PTPRD: variants seen among roughly 807,000 people sequenced by gnomAD.
PTPRD encodes protein tyrosine phosphatase receptor type D, also known as receptor-type tyrosine-protein phosphatase delta.
A neutral mutation model predicts 214.5 loss-of-function variants in PTPRD; 34 were observed. That is an observed-to-expected ratio of 0.16 (90% CI 0.12 to 0.21). The LOEUF (loss-of-function observed/expected upper bound fraction) is 0.21. PTPRD is among the 10% of genes least tolerant of loss of function. PTPRD has a pLI of 1.00. For synonymous variants in PTPRD, 1,128 were observed against 845.7 expected (o/e 1.33, Z -5.79); for missense variants, 2,545 against 2,398.7 (o/e 1.06, Z -1.27).
chr9:9,559,403 T>G (rs1470482068), intron 8 of PTPRD, among the ~76,000 whole-genome samples: 1 of 152,244 alleles, frequency 6.6e-6, no homozygotes, highest in Non-Finnish European at 1.5e-5. Flanking sequence ...AAAAGCCTAC[T>G]GGCACTTCCA....
At chr9:9,911,656 C>A (rs10759103) in intron 5 of PTPRD, among the ~76,000 whole-genome samples, 39,932 of 151,820 alleles carry the variant, frequency 0.26, 6,252 homozygotes, top group African/African-American at 0.42. Flanking sequence ...TTATATTTCC[C>A]TTTAGATATA....
chr9:9,698,130 T>TGC (rs2097418608), intron 7 of PTPRD, among the ~76,000 whole-genome samples: 1 of 152,202 alleles, frequency 6.6e-6, no homozygotes, highest in Admixed American at 6.5e-5. Flanking sequence ...CACCATCTTA[T>TGC]TAGGGTCTTT....
chr9:9,790,968 T>C (rs1292555979), intron 5 of PTPRD, among the ~76,000 whole-genome samples: 1 of 152,168 alleles, frequency 6.6e-6, no homozygotes, highest in African/African-American at 2.4e-5. Context: ...AGACAGATGG[T>C]TCAGTACATA....
intron 4 of PTPRD, among the ~76,000 whole-genome samples, chr9:9,995,696 TCTAC>T (rs1283655715): frequency 6.6e-6 from 1 of 152,224 alleles, no homozygotes; most frequent in Non-Finnish European, 1.5e-5. Flanking sequence ...TCTCTTTTAC[TCTAC>T]CTACTTCCTA....
chr9:10,345,120 T>C (rs1597626304), intron 2 of PTPRD, among the ~76,000 whole-genome samples: 1 of 152,132 alleles, frequency 6.6e-6, no homozygotes, highest in Non-Finnish European at 1.5e-5. Context: ...CACCATTGCA[T>C]CTGATTCATT....
chr9:9,730,218 G>A (rs951696006), intron 7 of PTPRD, among the ~76,000 whole-genome samples: 1 of 152,192 alleles, frequency 6.6e-6, no homozygotes. Flanking sequence ...GAAAGATATT[G>A]TATGACTAAT....
intron 9 of PTPRD, among the ~76,000 whole-genome samples, chr9:9,224,668 G>C (rs2099958274): frequency 6.6e-6 from 1 of 151,904 alleles, no homozygotes; most frequent in Non-Finnish European, 1.5e-5. Context: ...GGCTTACCTA[G>C]TTTATTTCAT....
At chr9:9,000,687 A>G (rs907263534) in intron 11 of PTPRD, among the ~76,000 whole-genome samples, 9 of 151,982 alleles carry the variant, frequency 5.9e-5, no homozygotes, top group East Asian at 3.9e-4. Context: ...TTAGATGGCT[A>G]TTATGCACAT....
At chr9:9,253,902 G>A (rs2099976540) in intron 9 of PTPRD, among the ~76,000 whole-genome samples, 1 of 152,078 alleles carries the variant, frequency 6.6e-6, no homozygotes, top group Non-Finnish European at 1.5e-5. Flanking sequence ...CAGAGGGCTT[G>A]GGGAGAGTTT....
chr9:9,517,023 G>A (rs2154250913), intron 8 of PTPRD, among the ~76,000 whole-genome samples: 1 of 151,594 alleles, frequency 6.6e-6, no homozygotes, highest in East Asian at 2.0e-4. Flanking sequence ...CTTGAAATTA[G>A]TTGCAGTGAA....
chr9:10,544,045 A>T (rs574205428), intron 2 of PTPRD, among the ~76,000 whole-genome samples: 1 of 152,170 alleles, frequency 6.6e-6, no homozygotes, highest in Non-Finnish European at 1.5e-5. Context: ...TTAAGGTACT[A>T]TATCATCATA....
At chr9:10,201,692 G>A (rs959845453) in intron 3 of PTPRD, among the ~76,000 whole-genome samples, 3 of 151,924 alleles carry the variant, frequency 2.0e-5, no homozygotes, top group Admixed American at 2.0e-4. Flanking sequence ...GCAAGGTGCT[G>A]GATATGTTAA....
At chr9:8,784,253 G>C (rs780688405) in intron 11 of PTPRD, among the ~76,000 whole-genome samples, 4 of 152,140 alleles carry the variant, frequency 2.6e-5, no homozygotes, top group Non-Finnish European at 4.4e-5. Flanking sequence ...GACCTGGAAA[G>C]GTTATTTTTA....
At chr9:9,417,344 G>A (rs560923807) in intron 8 of PTPRD, among the ~76,000 whole-genome samples, 6 of 152,106 alleles carry the variant, frequency 3.9e-5, no homozygotes, top group South Asian at 4.1e-4. Context: ...TTTCCATTAT[G>A]TTAAAATCAA....
intron 12 of PTPRD, among the ~76,000 whole-genome samples, chr9:8,644,136 C>A (rs2096637300): frequency 6.6e-6 from 1 of 152,174 alleles, no homozygotes; most frequent in East Asian, 1.9e-4. Flanking sequence ...TAGCTGAACA[C>A]CTGCTGGGAT....
At chr9:9,401,096 A>T (rs1327461438) in intron 8 of PTPRD, among the ~76,000 whole-genome samples, 1 of 152,026 alleles carries the variant, frequency 6.6e-6, no homozygotes, top group Non-Finnish European at 1.5e-5. Context: ...GGTAGGAATA[A>T]ACAAGCTATT....
intron 2 of PTPRD, among the ~76,000 whole-genome samples, chr9:10,370,618 T>G (rs750342295): frequency 6.6e-6 from 1 of 152,104 alleles, no homozygotes; most frequent in African/African-American, 2.4e-5. Flanking sequence ...TCTATGAAAT[T>G]TCTGCAGACA....
rs1373066824 is a variant in PTPRD, at chr9:8,966,151, T to C, written c.-104+52546A>G. Among the ~76,000 whole-genome samples the C allele has an allele frequency of 2.6e-5, 4 of 152,162 alleles. No individual in the cohort carries two copies. In the East Asian group the frequency reaches 7.7e-4, roughly 29 times the overall value. ...AATGACACAAATAACAGTCCATGCATATGGATTGGAAGACTCAATATTACT... is the reference window on the plus strand; with the variant it reads ...AATGACACAAATAACAGTCCATGCACATGGATTGGAAGACTCAATATTACT... On this transcript the variant is annotated intron_variant, in intron 11 of 45. Coordinates refer to ENST00000381196, the MANE Select transcript of PTPRD (RefSeq NM_002839.4).
intron 11 of PTPRD, among the ~76,000 whole-genome samples, chr9:8,979,387 G>T (rs2099293022): frequency 6.6e-6 from 1 of 151,990 alleles, no homozygotes; most frequent in Non-Finnish European, 1.5e-5. Context: ...AAAAATAAAT[G>T]AAACTACATC....
Sources: allele counts gnomAD v4.1 joint callset (sites outside exome capture counted in the v4.1 genomes callset), GRCh38; gene constraint gnomAD v4.1.1; transcripts MANE v1.5; gene names NCBI Gene and HGNC (gene_info 2026-07-23, HGNC 2026-07-21).